The following TMEM132D variants were observed in gnomAD, a reference collection of about 807,000 sequenced individuals.
The protein encoded by TMEM132D is mature OL transmembrane protein.
Under a neutral mutation model 62.3 loss-of-function variants are expected in TMEM132D, and 21 were observed. The ratio of observed to expected loss-of-function variants is 0.34; its 90% CI spans 0.24 to 0.49. The LOEUF (loss-of-function observed/expected upper bound fraction) is 0.49, where lower values mean the gene tolerates loss of function less well. Ranked by LOEUF, TMEM132D falls within the 20% of genes least tolerant of loss-of-function variation. The pLI, the probability that TMEM132D is intolerant of heterozygous loss-of-function variation, is 0.99. For synonymous variants in TMEM132D, 621 were observed against 575.6 expected (o/e 1.08, Z -1.13); for missense variants, 1,346 against 1,402.8 (o/e 0.96, Z 0.65).
At chr12:129,514,246 C>G (rs1472197527) in intron 3 of TMEM132D, among the ~76,000 whole-genome samples, 5 of 152,286 alleles carry the variant, frequency 3.3e-5, no homozygotes, top group African/African-American at 9.6e-5. Context: ...AATTCTATCG[C>G]TGCCACCACC....
chr12:129,669,704 C>G (rs1280402991), intron 2 of TMEM132D, among the ~76,000 whole-genome samples: 2 of 133,342 alleles, frequency 1.5e-5, no homozygotes, highest in Non-Finnish European at 3.2e-5. Context: ...GACTCCATCT[C>G]AAGAAATAAA....
At chr12:129,472,444 G>A (rs947377160) in intron 3 of TMEM132D, among the ~76,000 whole-genome samples, 1 of 152,160 alleles carries the variant, frequency 6.6e-6, no homozygotes, top group Non-Finnish European at 1.5e-5. Context: ...GGGTTGGGGG[G>A]ACGGGGAGGG....
intron 4 of TMEM132D, among the ~76,000 whole-genome samples, chr12:129,227,901 A>C (rs1233035733): frequency 2.0e-5 from 3 of 152,164 alleles, no homozygotes; most frequent in African/African-American, 7.2e-5. Context: ...TTCCAGCTTT[A>C]TCCATGTCCC....
chr12:129,745,209 G>T (rs1451415133), intron 1 of TMEM132D, among the ~76,000 whole-genome samples: 2 of 152,122 alleles, frequency 1.3e-5, no homozygotes, highest in Admixed American at 6.5e-5. Flanking sequence ...ATTTGAAAAA[G>T]AACTAATACC....
intron 1 of TMEM132D, among the ~76,000 whole-genome samples, chr12:129,765,250 A>G (rs143143808): frequency 0.016 from 2,470 of 152,338 alleles, 45 homozygotes; most frequent in South Asian, 0.059. Context: ...ATTTATAGCA[A>G]TGCAAATAAT....
At chr12:129,596,174 C>G (rs934859037) in intron 2 of TMEM132D, among the ~76,000 whole-genome samples, 1 of 152,012 alleles carries the variant, frequency 6.6e-6, no homozygotes, top group Admixed American at 6.6e-5. Flanking sequence ...ATCAGGAGTA[C>G]AATGGAAAAA....
At chr12:129,215,864 G>T (rs897324630) in intron 4 of TMEM132D, among the ~76,000 whole-genome samples, 17 of 152,208 alleles carry the variant, frequency 1.1e-4, no homozygotes, top group African/African-American at 3.9e-4. Flanking sequence ...AAGAGAGAAG[G>T]AGAGCCAAGT....
intron 1 of TMEM132D, among the ~76,000 whole-genome samples, chr12:129,862,163 G>A (rs552564756): frequency 1.6e-4 from 24 of 152,154 alleles, no homozygotes; most frequent in African/African-American, 4.6e-4. Flanking sequence ...GCAATTCCCC[G>A]GTGGTGATAA....
chr12:129,417,012 T>A (rs982917010), intron 3 of TMEM132D, among the ~76,000 whole-genome samples: 1 of 152,134 alleles, frequency 6.6e-6, no homozygotes, highest in Non-Finnish European at 1.5e-5. Context: ...TTCTTTTTTG[T>A]TGTTGGTGTG....
At chr12:129,761,561 G>A (rs1047876304) in intron 1 of TMEM132D, among the ~76,000 whole-genome samples, 5 of 152,266 alleles carry the variant, frequency 3.3e-5, no homozygotes, top group African/African-American at 1.2e-4. Flanking sequence ...AGGCAACTTC[G>A]CAGACAACGC....
Position 129,074,059 on chromosome 12 carries a change from G to T in TMEM132D, c.3116C>A (p.Thr1039Asn), listed in dbSNP as rs1225345146. The T allele has an allele frequency of 2.5e-6, 4 of 1,613,948 alleles. No individual in the cohort carries two copies. In the South Asian group the frequency reaches 4.4e-5, roughly 18 times the overall value. Reference sequence around the variant, plus strand: ...AAATTTTACCCTTTTCCTTTTTGAGGTAGGGGATGTTGGGGGCTCACTTTT... The same window carrying T: ...AAATTTTACCCTTTTCCTTTTTGAGTTAGGGGATGTTGGGGGCTCACTTTT... ...DQKSEPPTSP[T>N]SKRKRVKFTT... Residue 1039 changes from threonine (T) to asparagine (N), a missense_variant, in exon 9 of 9, where the codon ACC (threonine) becomes AAC (asparagine). Thr to Asn is a moderately conservative substitution (Grantham distance 65, BLOSUM62 0). Transcript: ENST00000422113.
chr12:129,859,512 A>G (rs1016060152), intron 1 of TMEM132D, among the ~76,000 whole-genome samples: 1 of 152,196 alleles, frequency 6.6e-6, no homozygotes, highest in African/African-American at 2.4e-5. Context: ...CATAGCTGGT[A>G]AAGTATCATT....
At chr12:129,751,792 C>T (rs979478180) in intron 1 of TMEM132D, among the ~76,000 whole-genome samples, 1 of 152,160 alleles carries the variant, frequency 6.6e-6, no homozygotes, top group Non-Finnish European at 1.5e-5. Flanking sequence ...ATGACTTTGT[C>T]TCCTGTTAAA....
At chr12:129,747,786 A>G (rs932339926) in intron 1 of TMEM132D, among the ~76,000 whole-genome samples, 49 of 149,500 alleles carry the variant, frequency 3.3e-4, no homozygotes, top group Middle Eastern at 3.6e-3. Context: ...ACATTCACAC[A>G]CTCGACACAG....
chr12:129,516,667 A>G (rs571525961), intron 3 of TMEM132D, among the ~76,000 whole-genome samples: 134 of 152,318 alleles, frequency 8.8e-4, no homozygotes, highest in African/African-American at 2.9e-3. Flanking sequence ...ATTCAAGGTG[A>G]GATTTGAATT....
At chr12:129,389,883 A>G (rs1378228093) in intron 3 of TMEM132D, among the ~76,000 whole-genome samples, 1 of 152,212 alleles carries the variant, frequency 6.6e-6, no homozygotes, top group East Asian at 1.9e-4. Flanking sequence ...GAGAGGAGTA[A>G]AGATTGAAAA....
intron 1 of TMEM132D, among the ~76,000 whole-genome samples, chr12:129,730,354 G>A (rs1035982423): frequency 3.3e-5 from 5 of 152,136 alleles, no homozygotes; most frequent in African/African-American, 1.2e-4. Flanking sequence ...CTCTGCCATT[G>A]TAATTATGCA....
chr12:129,354,695 C>T (rs1169435816), intron 3 of TMEM132D, among the ~76,000 whole-genome samples: 1 of 152,112 alleles, frequency 6.6e-6, no homozygotes, highest in African/African-American at 2.4e-5. Flanking sequence ...GTAATCTTCA[C>T]AGTATTCCAA....
chr12:129,289,184 C>A (rs1010609890), intron 4 of TMEM132D, among the ~76,000 whole-genome samples: 1 of 152,088 alleles, frequency 6.6e-6, no homozygotes, highest in African/African-American at 2.4e-5. Flanking sequence ...ATCTGTAAAA[C>A]CTTGTACCTA....
Sources: allele counts gnomAD v4.1 joint callset (sites outside exome capture counted in the v4.1 genomes callset), GRCh38; gene constraint gnomAD v4.1.1; transcripts MANE v1.5; gene names NCBI Gene and HGNC (gene_info 2026-07-23, HGNC 2026-07-21).